Variants in JMJD1C observed in about 807,000 individuals in gnomAD.
JMJD1C encodes jumonji domain-containing protein 1C.
JMJD1C carries 31 observed loss-of-function variants against 245.3 expected under a neutral mutation model. The observed-to-expected ratio is 0.13, with a 90% CI of 0.09 to 0.17. The LOEUF (loss-of-function observed/expected upper bound fraction) is 0.17, where lower values mean the gene tolerates loss of function less well. Ranked by LOEUF, JMJD1C falls within the 10% of genes least tolerant of loss-of-function variation. JMJD1C has a pLI of 1.00. For missense variants in JMJD1C, 2,691 were observed against 3,000.2 expected (o/e 0.90, Z 2.41); for synonymous variants, 1,057 against 1,017.4 (o/e 1.04, Z -0.74).
rs1947120059 is a variant in JMJD1C, at chr10:63,380,379, T to C, written c.272A>G (p.Lys91Arg). ...CTGAGTCTGGCTAGGGTCATTCCTT[T>C]TGGCCCAGATTAAGTGGTATTCCAC... ...FLVEYHLIWA[K>R]RNDPSQTQGS... Residue 91 changes from lysine to arginine, a missense_variant, in exon 2 of 26, where the codon AAA becomes AGA. Lys to Arg is a conservative substitution (Grantham distance 26). Around this residue, in one of 9 missense-constraint regions of JMJD1C, gnomAD observed 172 missense variants for 240.8 expected, o/e 0.71. Coordinates refer to ENST00000399262, the MANE Select transcript of JMJD1C (RefSeq NM_032776.3). The C allele has an allele frequency of 1.2e-6, 2 of 1,614,150 alleles. No individual in the cohort carries two copies. The highest frequency in any genetic ancestry group is 2.2e-5 in the East Asian group (1 of 44,880).
intron 1 of JMJD1C, among the ~76,000 whole-genome samples, chr10:63,412,622 T>C (rs1422969719): frequency 7.2e-5 from 11 of 152,178 alleles, no homozygotes; most frequent in Admixed American, 3.3e-4. Flanking sequence ...TAATACTGCA[T>C]CTTTATGTTT....
chr10:63,515,812 G>A (rs368263530), intron 1 of JMJD1C, among the ~76,000 whole-genome samples: 2 of 152,184 alleles, frequency 1.3e-5, no homozygotes, highest in South Asian at 4.1e-4. Context: ...TAGTTTTTAA[G>A]AGTGCTTTGT....
At chr10:63,255,098 G>A (rs1268840447) in intron 3 of JMJD1C, among the ~76,000 whole-genome samples, 9 of 150,788 alleles carry the variant, frequency 6.0e-5, no homozygotes, top group Middle Eastern at 3.6e-3. Flanking sequence ...CTCCCACCTC[G>A]GCCTCCCAAA....
At chr10:63,454,181 T>C (rs769132849) in intron 1 of JMJD1C, among the ~76,000 whole-genome samples, 3 of 152,228 alleles carry the variant, frequency 2.0e-5, no homozygotes, top group Non-Finnish European at 2.9e-5. Flanking sequence ...ATTTGTACTA[T>C]CTGAGACTGT....
intron 2 of JMJD1C, among the ~76,000 whole-genome samples, chr10:63,327,771 C>A (rs1193239510): frequency 6.6e-6 from 1 of 151,946 alleles, no homozygotes; most frequent in Non-Finnish European, 1.5e-5. Flanking sequence ...CAGATTCAAG[C>A]GATTCTCCTG....
chr10:63,502,914 G>C (rs1564974779), intron 1 of JMJD1C, among the ~76,000 whole-genome samples: 1 of 152,058 alleles, frequency 6.6e-6, no homozygotes. Context: ...AATAAAAACA[G>C]AATAATGGGT....
At chr10:63,431,789 G>A (rs546950553) in intron 1 of JMJD1C, among the ~76,000 whole-genome samples, 58 of 152,276 alleles carry the variant, frequency 3.8e-4, no homozygotes, top group African/African-American at 1.3e-3. Context: ...CGAGGCGGGC[G>A]GATCACGAGG....
At chr10:63,315,817 G>GCTATA in intron 2 of JMJD1C, among the ~76,000 whole-genome samples, 1 of 146,234 alleles carries the variant, frequency 6.8e-6, no homozygotes, top group African/African-American at 2.6e-5. Context: ...TCCAGCCTGG[G>GCTATA]GACAGAGTGA....
chr10:63,314,952 T>G lies in JMJD1C; in HGVS notation c.334-50188A>C, dbSNP rs1005426778. On this transcript the variant is annotated intron_variant, in intron 2 of 25. Coordinates refer to ENST00000399262, the MANE Select transcript of JMJD1C (RefSeq NM_032776.3). Reference sequence around the variant, plus strand: ...GCTTGAGTTCACTGTGCCCAGCCTTTTTTGTTTTTTTTTTTTTTTTGAGAC... The same window carrying G: ...GCTTGAGTTCACTGTGCCCAGCCTTGTTTGTTTTTTTTTTTTTTTTGAGAC... 1.7e-3 allele frequency among the ~76,000 whole-genome samples: 176 copies of G among 102,530 alleles called. 1 individual carries two copies. The highest frequency in any genetic ancestry group is 2.8e-3 in the Non-Finnish European group (141 of 50,818). The allele number at this position is 102,530 out of a possible 152,430, so 67.3% of individuals were successfully genotyped here. A position where few individuals can be genotyped will look rare whatever the true frequency, so the allele number is the denominator to read the frequency against.
rs1271889843 is a variant in JMJD1C at position 63,193,328 on chromosome 10, CAG to C, written c.5862+15_5862+16del. 1 of 1,575,052 alleles carries C rather than the reference CAG, an allele frequency of 6.3e-7. No individual in the cohort carries two copies. The highest frequency in any genetic ancestry group is 2.0e-5 in the Admixed American group (1 of 50,616). Reference sequence around the variant, plus strand: ...TAACCACAGATTTTATTTGAATAACCAGAGATTTTTACTCACTTGAGATACAC... The same window carrying C: ...TAACCACAGATTTTATTTGAATAACCAGATTTTTACTCACTTGAGATACAC... On this transcript the variant is annotated intron_variant, in intron 15 of 25. Coordinates refer to ENST00000399262, the MANE Select transcript of JMJD1C (RefSeq NM_032776.3).
At chr10:63,401,596 T>C (rs1049983086) in intron 1 of JMJD1C, among the ~76,000 whole-genome samples, 3 of 152,176 alleles carry the variant, frequency 2.0e-5, no homozygotes, top group Admixed American at 6.5e-5. Context: ...TTTAGGATTG[T>C]TTCATGGCCC....
intron 2 of JMJD1C, among the ~76,000 whole-genome samples, chr10:63,315,838 CAA>C (rs531544593): frequency 1.8e-5 from 1 of 55,272 alleles, no homozygotes; most frequent in African/African-American, 5.1e-5. Flanking sequence ...GACACCGTCT[CAA>C]AAAAAAAAAA....
At chr10:63,506,048 A>G (rs1299015856) in intron 1 of JMJD1C, among the ~76,000 whole-genome samples, 1 of 152,188 alleles carries the variant, frequency 6.6e-6, no homozygotes, top group East Asian at 1.9e-4. Context: ...TTTGGCAGGT[A>G]AGAAAATTTT....
At chr10:63,334,004 G>A (rs114007519) in intron 2 of JMJD1C, among the ~76,000 whole-genome samples, 2,259 of 152,192 alleles carry the variant, frequency 0.015, 52 homozygotes, top group African/African-American at 0.052. Flanking sequence ...TTGGTATACT[G>A]ATAAAAAGAA....
At position 63,193,012 on chromosome 10, in the gene JMJD1C, G is replaced by A. The variant is rs747743034; in HGVS notation, c.6002C>T (p.Thr2001Ile). ...ESDVGTDNKLTPPESQSPLHW... is the reference protein window; with the variant it reads ...ESDVGTDNKLIPPESQSPLHW... ...CAGTGGTGACTGGGATTCTGGAGGA[G>A]TTAACTTGTTATCTGTGCCTACATC... The change falls in exon 16 of 26, where the codon ACT (threonine) becomes ATT (isoleucine). Residue 2001 changes from threonine to isoleucine, a missense_variant. Coordinates refer to ENST00000399262, the MANE Select transcript of JMJD1C (RefSeq NM_032776.3). 9 of 1,614,000 alleles carry A rather than the reference G, an allele frequency of 5.6e-6. No homozygotes were observed. The East Asian group carries it at 8.9e-5, about 16-fold the overall frequency.
chr10:63,215,352 A>C lies in JMJD1C; in HGVS notation c.926T>G (p.Ile309Ser). Residue 309 changes from isoleucine to serine, a missense_variant, in exon 7 of 26, where the codon ATC (isoleucine) becomes AGC (serine). By Grantham distance (142) the Ile-to-Ser change is moderately radical. Around this residue, in one of 9 missense-constraint regions of JMJD1C, gnomAD observed 1,562 missense variants for 1,490.7 expected, o/e 1.05. Transcript: ENST00000399262. ...NTHQQQQQRS[I>S]RPNKRKGSDS... Reference sequence around the variant, plus strand: ...TGAGCCCTTCCTCTTATTTGGACGGATACTTCTTTGTTGCTGTTGCTGGTG... The same window carrying C: ...TGAGCCCTTCCTCTTATTTGGACGGCTACTTCTTTGTTGCTGTTGCTGGTG... The C allele has an allele frequency of 6.2e-7, 1 of 1,613,590 alleles. No individual in the cohort carries two copies.
intron 3 of JMJD1C, among the ~76,000 whole-genome samples, chr10:63,224,830 G>A (rs1049042096): frequency 5.9e-5 from 9 of 152,046 alleles, no homozygotes; most frequent in East Asian, 1.9e-4. Flanking sequence ...TTGGGAGGCC[G>A]AGGTGGGTGG....
chr10:63,429,044 G>A (rs938227882), intron 1 of JMJD1C, among the ~76,000 whole-genome samples: 2 of 152,090 alleles, frequency 1.3e-5, no homozygotes, highest in Admixed American at 6.5e-5. Flanking sequence ...GCAATGGCAC[G>A]ATCTCAGCTT....
chr10:63,443,659 T>C (rs771879038), intron 1 of JMJD1C, among the ~76,000 whole-genome samples: 4 of 152,194 alleles, frequency 2.6e-5, no homozygotes, highest in Non-Finnish European at 5.9e-5. Context: ...AAACCTTTTA[T>C]AGAGGTTTGG....
Sources: gnomAD v4.1 joint callset for allele counts (sites outside exome capture counted in the v4.1 genomes callset) on GRCh38, gnomAD v4.1.1 for gene constraint, gnomAD v4.1.1 regional missense constraint, MANE v1.5 for transcripts, NCBI Gene and HGNC (gene_info 2026-07-23, HGNC 2026-07-21) for gene names.